PCDH15: variants seen among roughly 807,000 people sequenced by gnomAD.
PCDH15 encodes the protein protocadherin-15.
PCDH15 carries 129 observed loss-of-function variants against 178.5 expected under a neutral mutation model. The ratio of observed to expected loss-of-function variants is 0.72; its 90% confidence interval spans 0.63 to 0.84. The LOEUF is 0.84. PCDH15 is among the 40% of genes least tolerant of loss of function. The pLI is 0.00. For missense variants in PCDH15, 2,230 were observed against 2,099.9 expected (o/e 1.06, Z -1.21); for synonymous variants, 800 against 732.0 (o/e 1.09, Z -1.50).
chr10:54,923,022 T>TGTTATTTTTTTTTACCTTTTA (rs1564632809), intron 2 of PCDH15, among the ~76,000 whole-genome samples: 7 of 140,822 alleles, frequency 5.0e-5, no homozygotes, highest in East Asian at 2.0e-4. Flanking sequence ...GACTTCTGCC[T>TGTTATTTTTTTTTACCTTTTA]AGACACTCAA....
chr10:54,192,115 A>AT (rs1564642923), intron 11 of PCDH15, among the ~76,000 whole-genome samples: 40 of 128,454 alleles, frequency 3.1e-4, no homozygotes, highest in African/African-American at 1.2e-3. Context: ...AAGAAAAAAA[A>AT]AAAAGAAAGA....
At chr10:54,319,720 T>A (rs10825304) in intron 7 of PCDH15, among the ~76,000 whole-genome samples, 68,776 of 144,432 alleles carry the variant, frequency 0.48, 16,312 homozygotes, top group Middle Eastern at 0.64. Context: ...CCTGTATTTT[T>A]TTTTTTTTGT....
chr10:55,477,658 T>A (rs952928775), intron 2 of PCDH15, among the ~76,000 whole-genome samples: 22 of 151,954 alleles, frequency 1.4e-4, no homozygotes, highest in African/African-American at 4.8e-4. Context: ...GTTCTTAATG[T>A]GGCTTTTTTG....
intron 23 of PCDH15, among the ~76,000 whole-genome samples, chr10:53,954,853 T>C (rs1388462025): frequency 6.6e-6 from 1 of 152,242 alleles, no homozygotes; most frequent in African/African-American, 2.4e-5. Flanking sequence ...CATATTTAAA[T>C]GTAAAAATGT....
intron 1 of PCDH15, among the ~76,000 whole-genome samples, chr10:55,183,211 T>C (rs1013681809): frequency 2.6e-5 from 4 of 152,018 alleles, no homozygotes; most frequent in African/African-American, 7.2e-5. Context: ...TTTTGCATTA[T>C]ACCATTTGTC....
intron 1 of PCDH15, among the ~76,000 whole-genome samples, chr10:54,800,415 A>C (rs1047680728): frequency 1.3e-5 from 2 of 152,206 alleles, no homozygotes; most frequent in Non-Finnish European, 2.9e-5. Context: ...AAATATCAGT[A>C]TACTCACAAA....
At position 53,889,616 on chromosome 10, in the gene PCDH15, A is replaced by T. The variant is rs2081414510; in HGVS notation, c.3501+13627T>A. ...TGCTGAGGGGATATAAATTAGTAAA[A>T]CATTTTTGAAAACAGTTTGATATTA... On this transcript the variant is annotated intron_variant, in intron 26 of 37. Coordinates refer to ENST00000644397, the MANE Select transcript of PCDH15 (RefSeq NM_001384140.1). Among the ~76,000 whole-genome samples, 7 of 152,298 alleles carry T rather than the reference A, an allele frequency of 4.6e-5. No homozygotes were observed. The South Asian group carries it at 1.4e-3, about 32-fold the overall frequency.
chr10:55,423,583 T>A (rs1391725262), intron 2 of PCDH15, among the ~76,000 whole-genome samples: 3 of 152,084 alleles, frequency 2.0e-5, no homozygotes, highest in Non-Finnish European at 1.5e-5. Context: ...GAAACTCCTC[T>A]GTTTAGAGCA....
At chr10:54,677,988 A>G (rs1455307504) in intron 1 of PCDH15, among the ~76,000 whole-genome samples, 1 of 152,198 alleles carries the variant, frequency 6.6e-6, no homozygotes, top group African/African-American at 2.4e-5. Context: ...CTTCCTGCCT[A>G]GAAAAATCTA....
intron 8 of PCDH15, among the ~76,000 whole-genome samples, chr10:54,253,081 A>G (rs577797413): frequency 4.1e-4 from 62 of 152,168 alleles, no homozygotes; most frequent in African/African-American, 1.5e-3. Flanking sequence ...AAAAGAAGAG[A>G]TACATTTTGG....
chr10:54,546,530 A>G (rs1045796262), intron 2 of PCDH15, among the ~76,000 whole-genome samples: 12 of 152,146 alleles, frequency 7.9e-5, no homozygotes, highest in African/African-American at 2.9e-4. Flanking sequence ...AAATAAATGC[A>G]TTGCATTTAT....
chr10:54,558,834 A>G (rs2087661358), intron 2 of PCDH15, among the ~76,000 whole-genome samples: 1 of 151,920 alleles, frequency 6.6e-6, no homozygotes, highest in South Asian at 2.1e-4. Flanking sequence ...CTCTCCAAAG[A>G]CCCCACTTCT....
At chr10:54,470,056 C>T (rs75943221) in intron 3 of PCDH15, among the ~76,000 whole-genome samples, 13,625 of 152,138 alleles carry the variant, frequency 0.09, 784 homozygotes, top group East Asian at 0.27. Context: ...ATGGGCCTTC[C>T]CTCAGCCCCC....
intron 20 of PCDH15, among the ~76,000 whole-genome samples, chr10:54,014,852 G>A (rs981793731): frequency 2.6e-5 from 4 of 152,014 alleles, no homozygotes; most frequent in African/African-American, 9.7e-5. Context: ...AAAGAGAAAC[G>A]AGATAAGGAT....
intron 3 of PCDH15, among the ~76,000 whole-genome samples, chr10:54,408,568 T>C (rs1051190999): frequency 1.3e-5 from 2 of 152,204 alleles, no homozygotes; most frequent in African/African-American, 4.8e-5. Flanking sequence ...GTGACAAGTG[T>C]AGCAGATGCT....
At chr10:54,179,519 T>G (rs2047774803) in intron 13 of PCDH15, among the ~76,000 whole-genome samples, 1 of 151,784 alleles carries the variant, frequency 6.6e-6, no homozygotes, top group Non-Finnish European at 1.5e-5. Flanking sequence ...TGTATACATA[T>G]GTAACTAACC....
chr10:53,905,161 T>C (rs777578528), intron 25 of PCDH15: 1 of 518,602 alleles, frequency 1.9e-6, no homozygotes, highest in Non-Finnish European at 3.9e-6. Flanking sequence ...ACTCCACAGC[T>C]GCCCATATAC....
At chr10:54,066,986 T>C in intron 17 of PCDH15, 101 bp from the exon 18 acceptor site, 1 of 1,178,242 alleles carries the variant, frequency 8.5e-7, no homozygotes, top group Non-Finnish European at 1.2e-6. Context: ...AAGCATCTCA[T>C]TTTTCTTTCT....
At chr10:55,191,049 T>C (rs1839931723) in intron 1 of PCDH15, among the ~76,000 whole-genome samples, 1 of 151,736 alleles carries the variant, frequency 6.6e-6, no homozygotes, top group African/African-American at 2.4e-5. Context: ...GTTAAAGTAA[T>C]ATTGTTTTGC....
Sources: allele counts gnomAD v4.1 joint callset (sites outside exome capture counted in the v4.1 genomes callset), GRCh38; gene constraint gnomAD v4.1.1; transcripts MANE v1.5; gene names NCBI Gene and HGNC (gene_info 2026-07-23, HGNC 2026-07-21).